Variants in ATPAF1 observed in about 807,000 individuals in gnomAD.
The protein encoded by ATPAF1 is homolog of yeast ATP11.
ATPAF1 carries 26 observed loss-of-function variants against 43.9 expected under a neutral mutation model. That is an observed-to-expected ratio of 0.59 (90% CI 0.43 to 0.82). The LOEUF (loss-of-function observed/expected upper bound fraction) is 0.82, where lower values mean the gene tolerates loss of function less well. Among genes scored for constraint, ATPAF1 ranks in the 40% least tolerant of loss-of-function variants. The pLI is 0.00. For synonymous variants in ATPAF1, 157 were observed against 168.0 expected, an observed-to-expected ratio of 0.93 and a Z score of 0.50; for missense variants, 366 against 435.0, an observed-to-expected ratio of 0.84 and a Z score of 1.41.
intron 8 of ATPAF1, among the ~76,000 whole-genome samples, chr1:46,642,297 G>A (rs2148815936): frequency 6.6e-6 from 1 of 152,302 alleles, no homozygotes; most frequent in South Asian, 2.1e-4. Flanking sequence ...TTCTCCCTAT[G>A]CAGCTGGTAA....
chr1:46,653,806 A>C lies in ATPAF1; in HGVS notation c.540+11T>G. 1 of 1,606,624 alleles carries C rather than the reference A, an allele frequency of 6.2e-7. No homozygotes were observed. The highest frequency in any genetic ancestry group is 1.3e-5 in the African/African-American group (1 of 74,770). ...TTGTAACACTTTCACTTTGCCCTCC[A>C]AACTACTTACAGGAATAACTGCGTA... On this transcript the variant is annotated intron_variant, in intron 5 of 8. Coordinates refer to ENST00000574428, the Ensembl canonical transcript of ATPAF1. This position sits in a 1 kb window ranked among gnomAD's most constrained non-coding sequence, Gnocchi z 4.8.
chr1:46,634,683 G>A (rs749111802), downstream of ATPAF1: 1 of 152,350 alleles, frequency 6.6e-6, no homozygotes, highest in Non-Finnish European at 1.5e-5. Flanking sequence ...GGGGCCTTGG[G>A]TTCAGAAGGC....
chr1:46,650,152 C>T (rs1264300245), intron 6 of ATPAF1, among the ~76,000 whole-genome samples: 1 of 152,058 alleles, frequency 6.6e-6, no homozygotes, highest in Non-Finnish European at 1.5e-5. Context: ...CCTCTTAATT[C>T]CTTTAGGCAC....
chr1:46,639,549 A>G (rs538890457), intron 8 of ATPAF1, among the ~76,000 whole-genome samples: 4 of 152,226 alleles, frequency 2.6e-5, no homozygotes, highest in Non-Finnish European at 5.9e-5. Context: ...TAAATATTCC[A>G]TTAGTTTTTA....
Position 46,668,337 on chromosome 1 carries a change from C to G in ATPAF1, c.-15G>C. On this transcript the variant is annotated 5_prime_UTR_variant, in exon 1 of 9. Transcript: ENST00000574428. This position sits in a 1 kb window ranked among gnomAD's most constrained non-coding sequence, Gnocchi z 4.4. ...ACAGCAGCCATGGCCGCCCCCGCCTCCTCCTCCTCCTCAGGCGCGTCGGCC... is the reference window on the plus strand; with the variant it reads ...ACAGCAGCCATGGCCGCCCCCGCCTGCTCCTCCTCCTCAGGCGCGTCGGCC... 7.4e-7 allele frequency: 1 copy of G among 1,349,208 alleles called. No individual in the cohort carries two copies. The highest frequency in any genetic ancestry group is 1.7e-5 in the South Asian group (1 of 58,264). 83.6% of individuals were successfully genotyped at this position (1,349,208 alleles called of 1,614,324 possible). A position where few individuals can be genotyped will look rare whatever the true frequency, so the allele number is the denominator to read the frequency against.
chr1:46,659,776 T>A (rs1676351348), intron 2 of ATPAF1, among the ~76,000 whole-genome samples: 1 of 152,156 alleles, frequency 6.6e-6, no homozygotes, highest in Non-Finnish European at 1.5e-5. Context: ...CATAAAACCT[T>A]GCCTTTAGTC....
intron 8 of ATPAF1, among the ~76,000 whole-genome samples, chr1:46,638,026 C>T (rs1005883813): frequency 6.6e-6 from 1 of 152,218 alleles, no homozygotes; most frequent in Non-Finnish European, 1.5e-5. Context: ...TAAATTCACA[C>T]ATGCCTCAAG....
rs1309823509 is a variant in ATPAF1, at chr1:46,653,561, CT to C, written c.540+255del. Among the ~76,000 whole-genome samples, 1 of 152,154 alleles carries C rather than the reference CT, an allele frequency of 6.6e-6. No homozygotes were observed. The highest frequency in any genetic ancestry group is 1.5e-5 in the Non-Finnish European group (1 of 68,030). On this transcript the variant is annotated intron_variant, in intron 5 of 8. Coordinates refer to ENST00000574428, the Ensembl canonical transcript of ATPAF1. The surrounding 1 kb of genome is among the most constrained non-coding windows in gnomAD (Gnocchi z 4.8). ...TCTGGAAATTACTCAGCAACATGAA[CT>C]TATACCACGCTCCCTTGTCAGAGAC...
At chr1:46,642,723 G>T (rs1027734084) in intron 8 of ATPAF1, among the ~76,000 whole-genome samples, 5 of 152,108 alleles carry the variant, frequency 3.3e-5, no homozygotes, top group African/African-American at 1.2e-4. Context: ...AACCCTTAGG[G>T]CCTGATGTGT....
chr1:46,665,562 T>A, intron 1 of ATPAF1, 198 bp from the exon 2 acceptor site: 1 of 1,227,012 alleles, frequency 8.1e-7, no homozygotes, highest in Non-Finnish European at 1.1e-6. Flanking sequence ...TCAACTGTTG[T>A]TAATCCTCAA....
At chr1:46,662,026 C>T (rs1676398159) in intron 2 of ATPAF1, among the ~76,000 whole-genome samples, 1 of 152,018 alleles carries the variant, frequency 6.6e-6, no homozygotes, top group African/African-American at 2.4e-5. Flanking sequence ...TCCCGAGTAG[C>T]TGGGACTACA....
At chr1:46,668,454 G>A (rs904453567), upstream of ATPAF1, 10 of 1,123,828 alleles carry the variant, frequency 8.9e-6, no homozygotes, top group African/African-American at 1.6e-4. The surrounding 1 kb of genome is among the most constrained non-coding windows in gnomAD (Gnocchi z 4.4). Flanking sequence ...AAGGTTCCGG[G>A]CGCGGGATAG....
rs191296879 is a variant in ATPAF1, at chr1:46,665,046, C to A, written c.375+210G>T. 2.8e-5 allele frequency: 15 copies of A among 542,070 alleles called. No homozygotes were observed. In the East Asian group the frequency reaches 4.6e-4, roughly 17 times the overall value. 33.6% of individuals were successfully genotyped at this position (542,070 alleles called of 1,614,324 possible). ...TGCTCCTCTTGGGAGCAGGAAGTAC[C>A]CCTCTCATACTTCTATATCTCCACC... On this transcript the variant is annotated intron_variant, in intron 2 of 8. Transcript: ENST00000574428.
chr1:46,645,303 T>G (rs922586381), intron 6 of ATPAF1, 47 bp from the exon 7 acceptor site: 8 of 1,422,712 alleles, frequency 5.6e-6, no homozygotes, highest in South Asian at 1.2e-5. Flanking sequence ...AATGAAATTA[T>G]TTGCTCTATA....
chr1:46,635,553 G>A, exon 9 of ATPAF1: 1 of 522,948 alleles, frequency 1.9e-6, no homozygotes, highest in South Asian at 3.5e-5. Flanking sequence ...CTTAAAAAAG[G>A]AAACCTCAAG....
chr1:46,657,372 T>A (rs1236515694), intron 4 of ATPAF1, among the ~76,000 whole-genome samples: 1 of 151,980 alleles, frequency 6.6e-6, no homozygotes, highest in Non-Finnish European at 1.5e-5. Flanking sequence ...CATGAGTGCT[T>A]TGAAGGAAAG....
chr1:46,656,295 A>G (rs1676272299), intron 4 of ATPAF1, among the ~76,000 whole-genome samples: 1 of 152,186 alleles, frequency 6.6e-6, no homozygotes. Flanking sequence ...GTGACACCAG[A>G]GTGAGCTAGT....
exon 6 of ATPAF1, chr1:46,652,620 C>T: frequency 6.2e-7 from 1 of 1,613,048 alleles, no homozygotes; most frequent in Non-Finnish European, 8.5e-7. Context: ...TCAAATCAAA[C>T]TTTTCTGCCT....
At chr1:46,633,803 T>C, downstream of ATPAF1, 2 of 456,276 alleles carry the variant, frequency 4.4e-6, no homozygotes, top group South Asian at 1.5e-5. Flanking sequence ...ATCAATGTAC[T>C]ATGTATGGCT....
Sources: gnomAD v4.1 joint callset for allele counts (sites outside exome capture counted in the v4.1 genomes callset) on GRCh38, gnomAD v4.1.1 for gene constraint, Gnocchi (gnomAD v3.1) non-coding constraint, MANE v1.5 for transcripts, NCBI Gene and HGNC (gene_info 2026-07-23, HGNC 2026-07-21) for gene names.